Variants in KRT81 observed in about 807,000 individuals in gnomAD.
KRT81 encodes the protein keratin, type II cuticular Hb1.
In KRT81, 35 loss-of-function variants were observed where a neutral mutation model predicts 35.8. The observed-to-expected ratio is 0.98, with a 90% CI of 0.75 to 1.30. KRT81 has a LOEUF of 1.30. KRT81 is among the 50% of genes most tolerant of loss of function. KRT81 has a pLI of 0.00. For synonymous variants in KRT81, 249 were observed against 251.2 expected (o/e 0.99, Z 0.08); for missense variants, 531 against 577.4 (o/e 0.92, Z 0.82).
Position 52,291,377 on chromosome 12 carries a change from G to A in KRT81, c.89C>T (p.Ala30Val), listed in dbSNP as rs770985846. 3 of 1,604,622 alleles carry A rather than the reference G, an allele frequency of 1.9e-6. No homozygotes were observed. The South Asian group carries it at 3.3e-5, about 18-fold the overall frequency. The change falls in exon 1 of 9, where the codon GCC becomes GTC. Residue 30 changes from alanine to valine, a missense_variant. Ala to Val is a moderately conservative substitution (Grantham distance 64). Transcript: ENST00000327741. Reference sequence around the variant, plus strand: ...GTAGCAGGAGATGCCACGGTAGGGGGCGGCGGTGATGCAGCAGCGGCCGGG... The same window carrying A: ...GTAGCAGGAGATGCCACGGTAGGGGACGGCGGTGATGCAGCAGCGGCCGGG... ...PRPGRCCITA[A>V]PYRGISCYRG...
At position 52,285,995 on chromosome 12, in the gene KRT81, T is replaced by C. The variant is rs1302315985; in HGVS notation, c.*260A>G. ...AGGAAGGCAGTTGCCGTGGGCAAGG[T>C]TCTGGTCCTGGCCCTTCCTGCTCCT... On this transcript the variant is annotated 3_prime_UTR_variant, in exon 9 of 9. Coordinates refer to ENST00000327741, the MANE Select transcript of KRT81 (RefSeq NM_002281.4). The C allele has an allele frequency of 2.4e-5, 13 of 536,664 alleles. No individual in the cohort carries two copies. Among genetic ancestry groups the C allele is most frequent in the Non-Finnish European group, 4.0e-5 (12 of 297,952 alleles). 33.2% of individuals were successfully genotyped at this position (536,664 alleles called of 1,614,324 possible).
intron 8 of KRT81, 129 bp downstream of exon 8, chr12:52,286,662 C>T (rs1824800022): frequency 8.2e-7 from 1 of 1,217,460 alleles, no homozygotes; most frequent in Admixed American, 1.9e-5. Context: ...ATGTCTGACC[C>T]CAAATCCCTC....
In KRT81 at chr12:52,287,239, C is replaced by T. The variant is rs1937975004; in HGVS notation, c.1110G>A (p.Glu370=). 1.9e-6 allele frequency: 3 copies of T among 1,613,968 alleles called. No individual in the cohort carries two copies. The highest frequency in any genetic ancestry group is 2.5e-6 in the Non-Finnish European group (3 of 1,180,002). Residue 370 remains glutamate (E), a synonymous_variant, in exon 7 of 9, where the codon GAG becomes GAA. Coordinates refer to ENST00000327741, the MANE Select transcript of KRT81 (RefSeq NM_002281.4). ...TGGCCTTCTGCAGGGCGCCCTCCAG[C>T]TCGGCCAGCTTGCAGCGGGCATCAC... ...ALSDARCKLA[E]LEGALQKAKQ...
At position 52,286,777 on chromosome 12, in the gene KRT81, C is replaced by A. The variant is rs749590869; in HGVS notation, c.1279+14G>T. On this transcript the variant is annotated intron_variant, in intron 8 of 8. Coordinates refer to ENST00000327741, the MANE Select transcript of KRT81 (RefSeq NM_002281.4). ...AGTTAGTAAATCTGTCCACACTGGACCCCAAATACTCACAGACATTCACAG... is the reference window on the plus strand; with the variant it reads ...AGTTAGTAAATCTGTCCACACTGGAACCCAAATACTCACAGACATTCACAG... 5 of 1,613,490 alleles carry A rather than the reference C, an allele frequency of 3.1e-6. No individual in the cohort carries two copies. The South Asian group carries it at 4.4e-5, about 14-fold the overall frequency.
At position 52,287,284 on chromosome 12, in the gene KRT81, C is replaced by T; in HGVS notation, c.1065G>A (p.Gln355=). The T allele has an allele frequency of 6.2e-7, 1 of 1,614,086 alleles. No homozygotes were observed. The highest frequency in any genetic ancestry group is 2.2e-5 in the East Asian group (1 of 44,868). The stretch of plus-strand genomic sequence containing the variant: ...CATCACTGAGGGCCGCCTCACCCTG[C>T]TGCTCAGACTGGGCCACCGCGGCCT... ...KLEAAVAQSE[Q]QGEAALSDAR... The change falls in exon 7 of 9, where the codon CAG becomes CAA. Residue 355 remains glutamine, a synonymous_variant. Coordinates refer to ENST00000327741, the MANE Select transcript of KRT81 (RefSeq NM_002281.4).
At chr12:52,288,747 G>A (rs1170963916) in intron 3 of KRT81, among the ~76,000 whole-genome samples, 1 of 151,812 alleles carries the variant, frequency 6.6e-6, no homozygotes, top group African/African-American at 2.4e-5. Flanking sequence ...TGACCCCCCA[G>A]CTCTCACACC....
intron 7 of KRT81, 85 bp from the exon 8 acceptor site, chr12:52,286,907 A>G: frequency 6.4e-7 from 1 of 1,558,838 alleles, no homozygotes; most frequent in Admixed American, 1.7e-5. Flanking sequence ...TAGGGTCCAC[A>G]ACTGGTCAAT....
rs370107494 is a variant in KRT81, at chr12:52,287,764, C to T, written c.901-43G>A. The stretch of plus-strand genomic sequence containing the variant: ...GCTCATGAGGTTCAGGGTGGGACCT[C>T]CCATCCATTCAGGACACCACAGATG... On this transcript the variant is annotated intron_variant, in intron 5 of 8. Transcript: ENST00000327741. 3.1e-5 allele frequency: 50 copies of T among 1,614,024 alleles called. No individual in the cohort carries two copies. In the East Asian group the frequency reaches 4.5e-4, roughly 14 times the overall value.
Position 52,286,392 on chromosome 12 carries a change from C to CG in KRT81, c.1380dup (p.Val461ArgfsTer83), listed in dbSNP as rs144562891. ...GCACACAGGCCGGTGCTCACCGCCACGTTCCCGTTGCACGGAGCGCTGCAG... is the reference window on the plus strand; with the variant it reads ...GCACACAGGCCGGTGCTCACCGCCACGGTTCCCGTTGCACGGAGCGCTGCAG... On this transcript the variant is annotated frameshift_variant, in exon 9 of 9. Transcript: ENST00000327741. LOFTEE classifies it low-confidence loss of function (END_TRUNC). 1.9e-5 allele frequency: 30 copies of CG among 1,555,348 alleles called. No individual in the cohort carries two copies. In the East Asian group the frequency reaches 7.2e-4, roughly 38 times the overall value.
Position 52,288,042 on chromosome 12 carries a change from T to C in KRT81, c.842A>G (p.Gln281Arg). The change falls in exon 5 of 9, where the codon CAG becomes CGG. Residue 281 changes from glutamine (Q) to arginine (R), a missense_variant. This residue lies in a region of KRT81 where 194 missense variants were observed against 198.2 expected (regional missense o/e 0.98). Transcript: ENST00000327741. ...MDCIIAEIKAQYDDIVTRSRA... is the reference protein window; with the variant it reads ...MDCIIAEIKARYDDIVTRSRA... Reference sequence around the variant, plus strand: ...GCTGCGGGTGACAATGTCGTCATACTGTGCCTTAATCTCGGCAATGATGCA... The same window carrying C: ...GCTGCGGGTGACAATGTCGTCATACCGTGCCTTAATCTCGGCAATGATGCA... 6.2e-7 allele frequency: 1 copy of C among 1,614,236 alleles called. No individual in the cohort carries two copies. Among genetic ancestry groups the C allele is most frequent in the Non-Finnish European group, 8.5e-7 (1 of 1,180,048 alleles).
chr12:52,286,434 G>T lies in KRT81; in HGVS notation c.1339C>A (p.Pro447Thr). 35 of 1,553,006 alleles carry T rather than the reference G, an allele frequency of 2.3e-5. No individual in the cohort carries two copies. The highest frequency in any genetic ancestry group is 3.0e-5 in the Non-Finnish European group (35 of 1,148,002). Reference sequence around the variant, plus strand: ...GCGCTGCAGACACTGCCAGTCACTGGCCGGGAGCCTGACACGCAGAGGTCC... The same window carrying T: ...GCGCTGCAGACACTGCCAGTCACTGTCCGGGAGCCTGACACGCAGAGGTCC... ...CGDLCVSGSR[P>T]VTGSVCSAPC... The change falls in exon 9 of 9, where the codon CCA (proline) becomes ACA (threonine). Residue 447 changes from proline to threonine, a missense_variant. Pro to Thr is a conservative substitution (Grantham distance 38). Around this residue, in one of 5 missense-constraint regions of KRT81, gnomAD observed 150 missense variants for 145.4 expected, o/e 1.03. Transcript: ENST00000327741.
At chr12:52,287,754 G>A (rs749952380) in intron 5 of KRT81, 33 bp from the exon 6 acceptor site, 23 of 1,613,982 alleles carry the variant, frequency 1.4e-5, no homozygotes, top group Admixed American at 5.0e-5. Flanking sequence ...TGAGGTTCAG[G>A]GTGGGACCTC....
intron 8 of KRT81, 127 bp from the exon 9 acceptor site, chr12:52,286,620 G>A: frequency 8.4e-7 from 1 of 1,197,236 alleles, no homozygotes; most frequent in Non-Finnish European, 1.2e-6. Flanking sequence ...ACAATTCTAG[G>A]TCCATCTAGT....
In KRT81 at chr12:52,286,431, C is replaced by T; in HGVS notation, c.1342G>A (p.Val448Met). The change falls in exon 9 of 9, where the codon GTG becomes ATG. Residue 448 changes from valine (V) to methionine (M), a missense_variant. This residue lies in a region of KRT81 where 150 missense variants were observed against 145.4 expected (regional missense o/e 1.03). Transcript: ENST00000327741. The stretch of plus-strand genomic sequence containing the variant: ...GGAGCGCTGCAGACACTGCCAGTCA[C>T]TGGCCGGGAGCCTGACACGCAGAGG... ...GDLCVSGSRP[V>M]TGSVCSAPCN... 1.3e-6 allele frequency: 2 copies of T among 1,553,120 alleles called. 1 individual carries two copies. The highest frequency in any genetic ancestry group is 2.4e-5 in the South Asian group (2 of 84,176).
intron 5 of KRT81, 87 bp from the exon 6 acceptor site, chr12:52,287,808 T>A (rs1301835941): frequency 1.2e-6 from 2 of 1,610,476 alleles, no homozygotes; most frequent in African/African-American, 2.7e-5. Flanking sequence ...GGTTGTACAG[T>A]GCTCAGCCTG....
rs3657 is a variant in KRT81, at chr12:52,286,224, T to A, written c.*31A>T. The A allele has an allele frequency of 6.5e-7, 1 of 1,535,834 alleles. No homozygotes were observed. Among genetic ancestry groups the A allele is most frequent in the South Asian group, 1.2e-5 (1 of 83,736 alleles). On this transcript the variant is annotated 3_prime_UTR_variant, in exon 9 of 9. Transcript: ENST00000327741. ...GCCAAGCAAGGCAGGGCAGGAAAGATGCCTGGGGCCTGGGACTTGAGTTGG... is the reference window on the plus strand; with the variant it reads ...GCCAAGCAAGGCAGGGCAGGAAAGAAGCCTGGGGCCTGGGACTTGAGTTGG...
chr12:52,287,198 C>G lies in KRT81; in HGVS notation c.1151G>C (p.Cys384Ser), dbSNP rs779295867. The change falls in exon 7 of 9, where the codon TGC (cysteine) becomes TCC (serine). Residue 384 changes from cysteine to serine, a missense_variant. Physicochemically the swap from Cys to Ser is moderately radical, Grantham distance 112 (BLOSUM62 -1). This residue lies in a region of KRT81 where 49 missense variants were observed against 87.8 expected (regional missense o/e 0.56). Coordinates refer to ENST00000327741, the MANE Select transcript of KRT81 (RefSeq NM_002281.4). ...CACCTCCTGGTACTCCCTGATCAGG[C>G]AGGCCATGTCCTGCTTGGCCTTCTG... ...ALQKAKQDMACLIREYQEVMN... is the reference protein window; with the variant it reads ...ALQKAKQDMASLIREYQEVMN... The G allele has an allele frequency of 6.2e-7, 1 of 1,613,944 alleles. No individual in the cohort carries two copies. The highest frequency in any genetic ancestry group is 2.2e-5 in the East Asian group (1 of 44,870).
rs1163311574 is a variant in KRT81, at chr12:52,291,387, T to C, written c.79A>G (p.Ile27Val). The C allele has an allele frequency of 3.7e-6, 6 of 1,607,776 alleles. No homozygotes were observed. Among genetic ancestry groups the C allele is most frequent in the Non-Finnish European group, 5.1e-6 (6 of 1,177,628 alleles). Residue 27 changes from isoleucine (I) to valine (V), a missense_variant, in exon 1 of 9, where the codon ATC becomes GTC. By Grantham distance (29) the Ile-to-Val change is conservative. This residue lies in a region of KRT81 where 133 missense variants were observed against 125.9 expected (regional missense o/e 1.06). Transcript: ENST00000327741. Reference sequence around the variant, plus strand: ...ATGCCACGGTAGGGGGCGGCGGTGATGCAGCAGCGGCCGGGCCGCGGCCCG... The same window carrying C: ...ATGCCACGGTAGGGGGCGGCGGTGACGCAGCAGCGGCCGGGCCGCGGCCCG... ...ACGPRPGRCC[I>V]TAAPYRGISC...
At position 52,286,341 on chromosome 12, in the gene KRT81, AG is replaced by A; in HGVS notation, c.1431del (p.Cys478AlafsTer95). The A allele has an allele frequency of 6.4e-7, 1 of 1,555,218 alleles. No homozygotes were observed. Among genetic ancestry groups the A allele is most frequent in the Non-Finnish European group, 8.7e-7 (1 of 1,148,900 alleles). ...CCCACGCCGCAGGAACCCCCTCCGCAGGTGGTGTTCAATTGGCCGCAGGGCG... is the reference window on the plus strand; with the variant it reads ...CCCACGCCGCAGGAACCCCCTCCGCAGTGGTGTTCAATTGGCCGCAGGGCG... Reference protein sequence around the residue: ...LCAPCGQLNTTCGGGSCGVGS... With the variant: ...LCAPCGQLNTXCGGGSCGVGS... On this transcript the variant is annotated frameshift_variant, in exon 9 of 9. Coordinates refer to ENST00000327741, the MANE Select transcript of KRT81 (RefSeq NM_002281.4). LOFTEE classifies it low-confidence loss of function (END_TRUNC).
Sources: allele counts gnomAD v4.1 joint callset (sites outside exome capture counted in the v4.1 genomes callset), GRCh38; gene constraint gnomAD v4.1.1; regional missense constraint gnomAD v4.1.1; transcripts MANE v1.5; gene names NCBI Gene and HGNC (gene_info 2026-07-23, HGNC 2026-07-21).